TPRG1: variants seen among roughly 807,000 people sequenced by gnomAD.
TPRG1 encodes the protein tumor protein p63 regulated 1.
In TPRG1, 29 loss-of-function variants were observed where a neutral mutation model predicts 29.3. That is an observed-to-expected ratio of 0.99 (90% CI 0.74 to 1.35). The LOEUF (loss-of-function observed/expected upper bound fraction) is 1.35. Among genes scored for constraint, TPRG1 ranks in the 40% most tolerant of loss-of-function variants. TPRG1 has a pLI of 0.00. For missense variants in TPRG1, 327 were observed against 335.0 expected (o/e 0.98, Z 0.19); for synonymous variants, 130 against 116.8 (o/e 1.11, Z -0.73).
chr3:189,099,094 C>T (rs887731704), upstream of TPRG1, among the ~76,000 whole-genome samples: 2 of 152,112 alleles, frequency 1.3e-5, no homozygotes, highest in Admixed American at 6.5e-5. Context: ...AATGAATGGC[C>T]GGCAGTGGAA....
intron 4 of TPRG1, among the ~76,000 whole-genome samples, chr3:189,287,402 T>TTC (rs953331821): frequency 1.4e-5 from 2 of 146,460 alleles, no homozygotes; most frequent in African/African-American, 2.5e-5. Flanking sequence ...CTTTCTTTCT[T>TTC]TTTTTTTTTT....
intron 3 of TPRG1, among the ~76,000 whole-genome samples, chr3:189,005,477 G>T (rs976633738): frequency 6.6e-6 from 1 of 151,880 alleles, no homozygotes; most frequent in Non-Finnish European, 1.5e-5. Flanking sequence ...TTTCAAATCA[G>T]GAAAAAACTA....
intron 4 of TPRG1, among the ~76,000 whole-genome samples, chr3:189,147,816 T>A (rs951811683): frequency 6.6e-6 from 1 of 152,188 alleles, no homozygotes; most frequent in African/African-American, 2.4e-5. Context: ...TGCTTGAGTC[T>A]GGCAGATGGG....
chr3:189,302,164 C>T (rs7640138), intron 4 of TPRG1, among the ~76,000 whole-genome samples: 54,592 of 152,050 alleles, frequency 0.36, 10,370 homozygotes, highest in Middle Eastern at 0.42. Context: ...AGCTAAAAGG[C>T]CCCATAGTTA....
At chr3:189,022,045 TC>T (rs1713346352) in intron 3 of TPRG1, among the ~76,000 whole-genome samples, 1 of 152,088 alleles carries the variant, frequency 6.6e-6, no homozygotes, top group Non-Finnish European at 1.5e-5. Flanking sequence ...GCTTCTGCAT[TC>T]TTCACGTAGT....
intron 5 of TPRG1, among the ~76,000 whole-genome samples, chr3:189,319,291 T>C (rs528404079): frequency 4.5e-4 from 69 of 152,236 alleles, no homozygotes; most frequent in African/African-American, 1.5e-3. Flanking sequence ...CAGTTGCCTA[T>C]TGAAAATCTC....
chr3:189,034,506 T>A lies in TPRG1; in HGVS notation c.-463+10560T>A, dbSNP rs2152131311. ...ATATATTGGCAACATAAACAATATA[T>A]CAATGTACCTTATGTTTTAAATACA... On this transcript the variant is annotated intron_variant, in intron 4 of 10. Coordinates refer to the TPRG1 transcript ENST00000433971. Among the ~76,000 whole-genome samples the A allele has an allele frequency of 1.3e-5, 2 of 152,286 alleles. 1 individual carries two copies. The highest frequency in any genetic ancestry group is 1.3e-4 in the Admixed American group (2 of 15,296).
chr3:189,166,659 C>T (rs991959527), intron 5 of TPRG1, among the ~76,000 whole-genome samples: 1 of 152,180 alleles, frequency 6.6e-6, no homozygotes, highest in Admixed American at 6.5e-5. Flanking sequence ...ATCTTATTTG[C>T]ATTGTAATTT....
intron 4 of TPRG1, among the ~76,000 whole-genome samples, chr3:189,057,773 T>C (rs1019253808): frequency 1.4e-5 from 2 of 146,142 alleles, no homozygotes; most frequent in East Asian, 2.0e-4. Context: ...TACACACACA[T>C]ATACATATAT....
At chr3:189,069,621 A>T (rs751797330) in intron 4 of TPRG1, among the ~76,000 whole-genome samples, 2 of 152,184 alleles carry the variant, frequency 1.3e-5, no homozygotes, top group Non-Finnish European at 2.9e-5. Flanking sequence ...ATACCACATG[A>T]CCCAGAAATT....
At chr3:189,154,729 C>A (rs547989908) in intron 5 of TPRG1, among the ~76,000 whole-genome samples, 51 of 152,264 alleles carry the variant, frequency 3.3e-4, no homozygotes, top group African/African-American at 1.2e-3. Flanking sequence ...AGGCAGGAGC[C>A]ACTGTGCCCA....
At chr3:189,050,970 C>T (rs1166103770) in intron 4 of TPRG1, among the ~76,000 whole-genome samples, 1 of 152,144 alleles carries the variant, frequency 6.6e-6, no homozygotes, top group African/African-American at 2.4e-5. Context: ...AACCCACAGC[C>T]AACATAATAT....
chr3:189,311,541 A>C (rs1355278659), intron 5 of TPRG1, among the ~76,000 whole-genome samples: 1 of 152,182 alleles, frequency 6.6e-6, no homozygotes, highest in Non-Finnish European at 1.5e-5. Context: ...TTGAGGCAAC[A>C]TATATTTGAT....
intron 3 of TPRG1, among the ~76,000 whole-genome samples, chr3:189,138,415 A>G (rs1560478655): frequency 6.6e-6 from 1 of 152,186 alleles, no homozygotes; most frequent in Non-Finnish European, 1.5e-5. Flanking sequence ...CCAGCGGATT[A>G]AGAGAGCAGA....
intron 1 of TPRG1, among the ~76,000 whole-genome samples, chr3:189,181,460 C>T (rs1456263676): frequency 6.6e-6 from 1 of 152,158 alleles, no homozygotes; most frequent in African/African-American, 2.4e-5. Context: ...CTGGCAGGTA[C>T]TCTAAATCAT....
chr3:189,050,612 AG>A (rs1379709717), intron 4 of TPRG1, among the ~76,000 whole-genome samples: 10 of 152,204 alleles, frequency 6.6e-5, no homozygotes, highest in Admixed American at 6.5e-4. Flanking sequence ...TACCAAAACC[AG>A]GAAAGGACAT....
chr3:189,024,313 G>A (rs933877778), intron 4 of TPRG1, among the ~76,000 whole-genome samples: 10 of 151,952 alleles, frequency 6.6e-5, no homozygotes, highest in African/African-American at 1.7e-4. Context: ...CTGGGGAACC[G>A]CCTCTGCCCT....
At chr3:189,134,567 G>A (rs1315305585) in intron 3 of TPRG1, among the ~76,000 whole-genome samples, 2 of 151,616 alleles carry the variant, frequency 1.3e-5, no homozygotes, top group African/African-American at 4.8e-5. Context: ...ATAGAGGCAT[G>A]CCACCACACC....
At chr3:189,226,807 A>AG (rs945184460) in intron 3 of TPRG1, among the ~76,000 whole-genome samples, 6 of 151,420 alleles carry the variant, frequency 4.0e-5, no homozygotes, top group African/African-American at 7.3e-5. Flanking sequence ...CAAAAAAAAA[A>AG]AAAAAGAAAA....
Sources: gnomAD v4.1 joint callset for allele counts (sites outside exome capture counted in the v4.1 genomes callset) on GRCh38, gnomAD v4.1.1 for gene constraint, MANE v1.5 for transcripts, NCBI Gene and HGNC (gene_info 2026-07-23, HGNC 2026-07-21) for gene names.